Variants in CDH12 observed in about 807,000 individuals in gnomAD.
CDH12 encodes cadherin 12, also known as cadherin-12.
CDH12 carries 41 observed loss-of-function variants against 74.1 expected under a neutral mutation model. That is an observed-to-expected ratio of 0.55 (90% CI 0.43 to 0.72). CDH12 has a LOEUF of 0.72. CDH12 is among the 30% of genes least tolerant of loss of function. CDH12 has a pLI of 0.00. For synonymous variants in CDH12, 399 were observed against 355.0 expected (o/e 1.12, Z -1.39); for missense variants, 945 against 977.2 (o/e 0.97, Z 0.44).
intron 4 of CDH12, among the ~76,000 whole-genome samples, chr5:22,110,309 C>T (rs548617077): frequency 6.6e-6 from 1 of 152,294 alleles, no homozygotes; most frequent in South Asian, 2.1e-4. Context: ...CTTCATCTGA[C>T]AGGTTCTTCC....
chr5:21,882,480 C>A, intron 6 of CDH12: 1 of 685,150 alleles, frequency 1.5e-6, no homozygotes, highest in Non-Finnish European at 2.6e-6. Flanking sequence ...TATAGTACAA[C>A]TGCCACATTT....
At chr5:22,627,024 C>A (rs1255586141) in intron 1 of CDH12, among the ~76,000 whole-genome samples, 2 of 152,058 alleles carry the variant, frequency 1.3e-5, no homozygotes, top group African/African-American at 4.8e-5. Flanking sequence ...CACTGGTTGT[C>A]CAAATTAACT....
intron 4 of CDH12, among the ~76,000 whole-genome samples, chr5:22,116,013 C>T (rs1442320302): frequency 6.6e-6 from 1 of 152,078 alleles, no homozygotes; most frequent in African/African-American, 2.4e-5. Context: ...TTTATCTCCT[C>T]ATGTCATATT....
intron 11 of CDH12, among the ~76,000 whole-genome samples, chr5:21,775,518 T>C (rs2149888815): frequency 6.6e-6 from 1 of 152,264 alleles, no homozygotes; most frequent in Admixed American, 6.5e-5. Flanking sequence ...TCTCTGAATG[T>C]CTACTCCTTG....
chr5:22,669,099 T>G (rs564305093), intron 1 of CDH12, among the ~76,000 whole-genome samples: 28 of 152,290 alleles, frequency 1.8e-4, no homozygotes, highest in African/African-American at 6.7e-4. Flanking sequence ...AATTACATTT[T>G]TTTTTCCTTT....
At chr5:22,590,861 C>G (rs1736273889) in intron 1 of CDH12, among the ~76,000 whole-genome samples, 1 of 152,068 alleles carries the variant, frequency 6.6e-6, no homozygotes, top group South Asian at 2.1e-4. Flanking sequence ...ACTAAGTCTC[C>G]CTTTTGTCTC....
At chr5:22,507,308 A>G (rs1191823047) in intron 1 of CDH12, among the ~76,000 whole-genome samples, 1 of 151,948 alleles carries the variant, frequency 6.6e-6, no homozygotes, top group African/African-American at 2.4e-5. Context: ...TTTTTAAGAC[A>G]AAAAGTCTGA....
At chr5:22,452,154 T>C (rs1340262439) in intron 2 of CDH12, among the ~76,000 whole-genome samples, 7 of 151,948 alleles carry the variant, frequency 4.6e-5, no homozygotes, top group African/African-American at 1.7e-4. Context: ...CTATCCAAAG[T>C]GACATAGAGG....
intron 1 of CDH12, among the ~76,000 whole-genome samples, chr5:22,526,339 T>C (rs1196746282): frequency 1.3e-5 from 2 of 152,186 alleles, no homozygotes; most frequent in African/African-American, 4.8e-5. Flanking sequence ...GTTTGATATC[T>C]TGCAGAAGGG....
chr5:22,003,822 CACAAAA>C (rs1263401740), intron 5 of CDH12, among the ~76,000 whole-genome samples: 3 of 8,370 alleles, frequency 3.6e-4, no homozygotes, highest in African/African-American at 1.3e-3. Context: ...CCCCCGCTTC[CACAAAA>C]AAAAAAAAAA....
chr5:22,104,403 A>T (rs1744314363), intron 4 of CDH12, among the ~76,000 whole-genome samples: 1 of 152,044 alleles, frequency 6.6e-6, no homozygotes, highest in African/African-American at 2.4e-5. Flanking sequence ...GGAAAGAGAT[A>T]TTGCTTTATT....
Position 21,926,098 on chromosome 5 carries a change from G to GA in CDH12, c.526+48992dup, listed in dbSNP as rs200191353. On this transcript the variant is annotated intron_variant, in intron 6 of 14. Transcript: ENST00000382254. ...TTCAGATTGATCTGTAACCTTTTTT[G>GA]AAAAAAAAAATCACGTCAGACACTT... is the stretch of plus-strand genomic sequence containing the variant. 3.5e-3 allele frequency among the ~76,000 whole-genome samples: 524 copies of GA among 149,046 alleles called. 1 individual carries two copies. Among genetic ancestry groups the GA allele is most frequent in the African/African-American group, 0.011 (465 of 40,604 alleles).
At chr5:22,269,641 G>A (rs924076237) in intron 3 of CDH12, among the ~76,000 whole-genome samples, 4 of 152,182 alleles carry the variant, frequency 2.6e-5, no homozygotes, top group African/African-American at 7.2e-5. Flanking sequence ...ATTGGAGCAA[G>A]GCAGCCAGTT....
intron 5 of CDH12, among the ~76,000 whole-genome samples, chr5:22,076,701 T>C (rs530991460): frequency 4.6e-5 from 7 of 152,168 alleles, no homozygotes; most frequent in East Asian, 3.9e-4. Context: ...ACAATCATAT[T>C]TGAGGAATTA....
chr5:22,018,367 A>G (rs1406332301), intron 5 of CDH12, among the ~76,000 whole-genome samples: 1 of 152,218 alleles, frequency 6.6e-6, no homozygotes, highest in Non-Finnish European at 1.5e-5. Flanking sequence ...AAAATCTGTA[A>G]GAAAGGTTAT....
intron 7 of CDH12, among the ~76,000 whole-genome samples, chr5:21,845,672 T>G (rs1185336494): frequency 1.3e-5 from 2 of 152,064 alleles, no homozygotes; most frequent in African/African-American, 4.8e-5. Flanking sequence ...TTGCATGTTT[T>G]GATTTGTTGC....
chr5:22,182,044 A>G (rs6896495), intron 4 of CDH12, among the ~76,000 whole-genome samples: 134,675 of 151,926 alleles, frequency 0.89, 60,605 homozygotes, highest in South Asian at 0.96. Flanking sequence ...TCACTCCCCC[A>G]CTCCATCTTT....
intron 3 of CDH12, among the ~76,000 whole-genome samples, chr5:22,366,458 T>C (rs1314959202): frequency 2.0e-5 from 3 of 152,172 alleles, no homozygotes; most frequent in African/African-American, 7.2e-5. Flanking sequence ...ATAACATCTT[T>C]GTCCTTATCT....
At chr5:22,487,671 C>G (rs1309692424) in intron 2 of CDH12, among the ~76,000 whole-genome samples, 1 of 152,156 alleles carries the variant, frequency 6.6e-6, no homozygotes, top group Non-Finnish European at 1.5e-5. Flanking sequence ...CAAAAATATT[C>G]ATTGCTCATT....
Sources: gnomAD v4.1 joint callset for allele counts (sites outside exome capture counted in the v4.1 genomes callset) on GRCh38, gnomAD v4.1.1 for gene constraint, MANE v1.5 for transcripts, NCBI Gene and HGNC (gene_info 2026-07-23, HGNC 2026-07-21) for gene names.